Variants in SOX6 observed in about 807,000 individuals in gnomAD.
SOX6 encodes transcription factor SOX-6.
In SOX6, 11 loss-of-function variants were observed where a neutral mutation model predicts 97.8. The observed-to-expected ratio is 0.11, with a 90% confidence interval of 0.07 to 0.19. The LOEUF is 0.19. SOX6 is among the 10% of genes least tolerant of loss of function. The pLI is 1.00. For synonymous variants in SOX6, 360 were observed against 371.4 expected, an observed-to-expected ratio of 0.97 and a Z score of 0.35; for missense variants, 810 against 1,039.5, an observed-to-expected ratio of 0.78 and a Z score of 3.04.
chr11:16,333,016 T>C (rs190302158), intron 2 of SOX6, among the ~76,000 whole-genome samples: 236 of 152,324 alleles, frequency 1.5e-3, no homozygotes, highest in Non-Finnish European at 2.9e-3. Flanking sequence ...GTAGGGTCTT[T>C]CCTGCTTCAT....
chr11:16,717,312 T>C (rs1051573465), intron 2 of SOX6, among the ~76,000 whole-genome samples: 4 of 152,122 alleles, frequency 2.6e-5, no homozygotes, highest in African/African-American at 9.6e-5. Context: ...GTATCAGTAA[T>C]GAGACTAAAA....
In SOX6 at chr11:16,688,208, A is replaced by G. The variant is rs151020817; in HGVS notation, n.429+26622T>C. On this transcript the variant is annotated intron_variant and non_coding_transcript_variant, in intron 3 of 5. Coordinates refer to the SOX6 transcript ENST00000524520. ...AGGCTGGTCTCGAACTCCTGGGCTC[A>G]AGCAATCCACCCACCACAGTCTCCC... Among the ~76,000 whole-genome samples the G allele has an allele frequency of 9.7e-4, 148 of 152,304 alleles. 1 individual carries two copies. The East Asian group carries it at 0.027, about 27-fold the overall frequency.
chr11:16,257,364 C>T (rs958544991), intron 3 of SOX6, among the ~76,000 whole-genome samples: 2 of 151,706 alleles, frequency 1.3e-5, no homozygotes, highest in African/African-American at 2.4e-5. Flanking sequence ...GAAAAAAAAT[C>T]GTTGAATGGA....
intron 4 of SOX6, among the ~76,000 whole-genome samples, chr11:16,574,873 C>T (rs1238918719): frequency 6.6e-6 from 1 of 151,930 alleles, no homozygotes; most frequent in African/African-American, 2.4e-5. Context: ...AACCTCATCT[C>T]TACTAAAAAT....
At chr11:16,350,655 G>A (rs1448346815) in intron 1 of SOX6, among the ~76,000 whole-genome samples, 1 of 152,140 alleles carries the variant, frequency 6.6e-6, no homozygotes, top group Non-Finnish European at 1.5e-5. Flanking sequence ...GGAAGAAAAG[G>A]AAACTTCTTG....
chr11:16,335,703 C>A (rs901203365), intron 2 of SOX6, among the ~76,000 whole-genome samples: 12 of 152,132 alleles, frequency 7.9e-5, no homozygotes, highest in African/African-American at 2.9e-4. Context: ...GGATTGTTAT[C>A]ATGTAATGAC....
At chr11:16,583,624 T>TATATATATATATAC (rs1848058832) in intron 4 of SOX6, among the ~76,000 whole-genome samples, 1 of 138,842 alleles carries the variant, frequency 7.2e-6, no homozygotes, top group Non-Finnish European at 1.6e-5. Flanking sequence ...CATATATATA[T>TATATATATATATAC]ATATATATAT....
chr11:16,061,472 A>T (rs1847952306), intron 9 of SOX6, among the ~76,000 whole-genome samples: 1 of 151,742 alleles, frequency 6.6e-6, no homozygotes, highest in Non-Finnish European at 1.5e-5. Flanking sequence ...ACTGCCCCCA[A>T]AGAATTTAGA....
intron 1 of SOX6, among the ~76,000 whole-genome samples, chr11:16,453,095 C>T (rs1000791078): frequency 3.3e-5 from 5 of 152,196 alleles, no homozygotes; most frequent in African/African-American, 9.6e-5. Flanking sequence ...TATTCCCATA[C>T]TCCTGATATC....
At position 16,586,609 on chromosome 11, in the gene SOX6, A is replaced by C. The variant is rs564749658; in HGVS notation, n.609+25472T>G. ...GTGGTGTTCACCTACAGTCCCAGCC[A>C]CTCCAGAGGACAAGGTGAGAGAATC... is the stretch of plus-strand genomic sequence containing the variant. On this transcript the variant is annotated intron_variant and non_coding_transcript_variant, in intron 4 of 5. Transcript: ENST00000524520. 9.2e-5 allele frequency among the ~76,000 whole-genome samples: 14 copies of C among 152,200 alleles called. No homozygotes were observed. In the East Asian group the frequency reaches 2.7e-3, roughly 29 times the overall value.
At chr11:16,219,140 G>A (rs1852463488) in intron 4 of SOX6, among the ~76,000 whole-genome samples, 1 of 151,968 alleles carries the variant, frequency 6.6e-6, no homozygotes, top group South Asian at 2.1e-4. Context: ...ACCAACTTGT[G>A]TCTCCTCAGT....
intron 2 of SOX6, among the ~76,000 whole-genome samples, chr11:16,719,020 G>C (rs1848239763): frequency 6.8e-6 from 1 of 147,150 alleles, no homozygotes; most frequent in Non-Finnish European, 1.5e-5. Flanking sequence ...GAAATCCAAA[G>C]GTATACACTT....
chr11:16,690,145 A>C (rs1362076404), intron 3 of SOX6, among the ~76,000 whole-genome samples: 1 of 152,172 alleles, frequency 6.6e-6, no homozygotes, highest in Non-Finnish European at 1.5e-5. Flanking sequence ...GGTTGTTCTC[A>C]AACTCCTGGC....
At chr11:16,727,579 G>A (rs1190866821) in intron 2 of SOX6, among the ~76,000 whole-genome samples, 2 of 150,760 alleles carry the variant, frequency 1.3e-5, no homozygotes, top group African/African-American at 2.4e-5. Flanking sequence ...ACAGGCACGC[G>A]CCACAACACC....
chr11:16,011,842 C>G (rs1254931911), intron 13 of SOX6, among the ~76,000 whole-genome samples: 1 of 152,024 alleles, frequency 6.6e-6, no homozygotes, highest in Non-Finnish European at 1.5e-5. Flanking sequence ...GCCAGAGGCA[C>G]AGAACTTACT....
chr11:16,696,814 C>G (rs1848057180), intron 3 of SOX6, among the ~76,000 whole-genome samples: 1 of 152,096 alleles, frequency 6.6e-6, no homozygotes, highest in Admixed American at 6.6e-5. Context: ...AATAAGACAA[C>G]AATGAAGTTT....
intron 1 of SOX6, among the ~76,000 whole-genome samples, chr11:16,409,788 T>A (rs1858761376): frequency 6.6e-6 from 1 of 151,286 alleles, no homozygotes; most frequent in Admixed American, 6.6e-5. Flanking sequence ...AAATTTAGGA[T>A]GCATTGCCAT....
chr11:16,300,690 G>A lies in SOX6; in HGVS notation c.445+17756C>T, dbSNP rs573855228. On this transcript the variant is annotated intron_variant, in intron 3 of 15. Transcript: ENST00000683767. This position sits in a 1 kb window ranked among gnomAD's most constrained non-coding sequence, Gnocchi z 4.1. ...GCAAGTGGGGCTAACGAAAACTGAA[G>A]TTCATCACCAGAGAAACCTGCGGCT... is the stretch of plus-strand genomic sequence containing the variant. Among the ~76,000 whole-genome samples the A allele has an allele frequency of 1.3e-5, 2 of 152,308 alleles. No individual in the cohort carries two copies. Among genetic ancestry groups the A allele is most frequent in the South Asian group, 4.1e-4 (2 of 4,820 alleles).
intron 4 of SOX6, among the ~76,000 whole-genome samples, chr11:16,218,382 T>C (rs72867943): frequency 0.013 from 2,024 of 152,232 alleles, 19 homozygotes; most frequent in Non-Finnish European, 0.021. Flanking sequence ...CTACAAACAA[T>C]TGCAACTCTC....
Sources: allele counts gnomAD v4.1 joint callset (sites outside exome capture counted in the v4.1 genomes callset), GRCh38; gene constraint gnomAD v4.1.1; non-coding constraint Gnocchi (gnomAD v3.1); transcripts MANE v1.5; gene names NCBI Gene and HGNC (gene_info 2026-07-23, HGNC 2026-07-21).